MLLT10: variants seen among roughly 807,000 people sequenced by gnomAD.
The protein encoded by MLLT10 is protein AF-10.
A neutral mutation model predicts 129.1 loss-of-function variants in MLLT10; 30 were observed. The ratio of observed to expected loss-of-function variants is 0.23; its 90% confidence interval spans 0.17 to 0.32. MLLT10 has a LOEUF of 0.32. MLLT10 is among the 10% of genes least tolerant of loss of function. The pLI is 1.00. For missense variants in MLLT10, 1,119 were observed against 1,268.3 expected, an observed-to-expected ratio of 0.88 and a Z score of 1.79; for synonymous variants, 490 against 446.4, an observed-to-expected ratio of 1.10 and a Z score of -1.23.
chr10:21,721,078 G>A (rs1388532611), intron 14 of MLLT10, among the ~76,000 whole-genome samples: 1 of 152,144 alleles, frequency 6.6e-6, no homozygotes, highest in Non-Finnish European at 1.5e-5. Context: ...AATTTAGTGA[G>A]CCTGAATATT....
At chr10:21,669,215 A>G (rs1038263176) in intron 9 of MLLT10, among the ~76,000 whole-genome samples, 7 of 152,002 alleles carry the variant, frequency 4.6e-5, no homozygotes, top group African/African-American at 1.4e-4. Context: ...CTATTTAATG[A>G]TGAATATCTG....
intron 13 of MLLT10, among the ~76,000 whole-genome samples, chr10:21,688,039 T>C (rs1165845204): frequency 6.6e-6 from 1 of 152,122 alleles, no homozygotes; most frequent in East Asian, 1.9e-4. Flanking sequence ...CTTCAAAGAC[T>C]CTTAAGGGAT....
intron 9 of MLLT10, among the ~76,000 whole-genome samples, chr10:21,653,701 A>G (rs991468774): frequency 1.3e-5 from 2 of 152,182 alleles, no homozygotes; most frequent in Admixed American, 6.5e-5. Flanking sequence ...GAGGGGTGCT[A>G]TCCTGCCTAC....
At chr10:21,716,040 T>C (rs2056528645) in intron 14 of MLLT10, among the ~76,000 whole-genome samples, 1 of 152,242 alleles carries the variant, frequency 6.6e-6, no homozygotes, top group Non-Finnish European at 1.5e-5. Context: ...CACGTTGACC[T>C]CTCAGTTGAA....
chr10:21,596,067 A>C (rs2042991023), intron 5 of MLLT10, among the ~76,000 whole-genome samples: 1 of 152,038 alleles, frequency 6.6e-6, no homozygotes, highest in African/African-American at 2.4e-5. Flanking sequence ...CGTGGAAGAA[A>C]TTGCAGCCAG....
At chr10:21,534,846 C>T (rs768189727) in intron 2 of MLLT10, 42 bp downstream of exon 2, 5 of 1,478,510 alleles carry the variant, frequency 3.4e-6, no homozygotes, top group Non-Finnish European at 3.6e-6. Flanking sequence ...GGCCTGCGCC[C>T]AACGGTCACC....
At chr10:21,582,883 C>CT (rs1248534485) in intron 3 of MLLT10, among the ~76,000 whole-genome samples, 1 of 152,094 alleles carries the variant, frequency 6.6e-6, no homozygotes, top group Non-Finnish European at 1.5e-5. Context: ...TTTCAAGTGT[C>CT]TATGTAGGCT....
At chr10:21,544,598 A>G (rs2035777403) in intron 3 of MLLT10, among the ~76,000 whole-genome samples, 1 of 152,180 alleles carries the variant, frequency 6.6e-6, no homozygotes, top group Non-Finnish European at 1.5e-5. Flanking sequence ...TGGACTTAGG[A>G]TGCTATTACT....
chr10:21,588,495 C>T lies in MLLT10; in HGVS notation c.295+2147C>T, dbSNP rs878995289. 3.3e-5 allele frequency among the ~76,000 whole-genome samples: 5 copies of T among 151,900 alleles called. No individual in the cohort carries two copies. The South Asian group carries it at 6.2e-4, about 19-fold the overall frequency. On this transcript the variant is annotated intron_variant, in intron 4 of 22. Coordinates refer to ENST00000307729, the MANE Select transcript of MLLT10 (RefSeq NM_001195626.3). ...TGATGACTAACTCTTGTATGTATGT[C>T]ATTTTGCTTGTATACAAGTATATCT...
At chr10:21,692,070 AG>A (rs1203358287) in intron 13 of MLLT10, among the ~76,000 whole-genome samples, 1 of 149,894 alleles carries the variant, frequency 6.7e-6, no homozygotes, top group Non-Finnish European at 1.5e-5. Flanking sequence ...GGTACTTGTG[AG>A]GCTGAGGCAT....
At chr10:21,703,578 T>C (rs2055137812) in intron 13 of MLLT10, among the ~76,000 whole-genome samples, 1 of 152,096 alleles carries the variant, frequency 6.6e-6, no homozygotes, top group South Asian at 2.1e-4. Flanking sequence ...AGAGTCTCGC[T>C]TTGTCACCCA....
intron 3 of MLLT10, among the ~76,000 whole-genome samples, chr10:21,550,930 T>G (rs2036898626): frequency 8.7e-6 from 1 of 115,586 alleles, no homozygotes; most frequent in South Asian, 2.4e-4. Flanking sequence ...ATCTTTAATT[T>G]TTTTTTTTTT....
At chr10:21,725,805 C>T (rs1589838757) in intron 14 of MLLT10, among the ~76,000 whole-genome samples, 3 of 145,954 alleles carry the variant, frequency 2.1e-5, no homozygotes, top group South Asian at 2.2e-4. Context: ...GGCTGGAGTG[C>T]AGTGGCGTGA....
intron 13 of MLLT10, among the ~76,000 whole-genome samples, chr10:21,686,259 A>G (rs2053281225): frequency 6.6e-6 from 1 of 152,186 alleles, no homozygotes; most frequent in African/African-American, 2.4e-5. Flanking sequence ...TTAATTCTCC[A>G]TATAGTATTC....
chr10:21,555,534 T>C (rs1368688682), intron 3 of MLLT10, among the ~76,000 whole-genome samples: 4 of 152,052 alleles, frequency 2.6e-5, no homozygotes, highest in Non-Finnish European at 5.9e-5. Flanking sequence ...ATACTTTAAT[T>C]GGAGGTTTTT....
intron 11 of MLLT10, among the ~76,000 whole-genome samples, chr10:21,680,256 G>T (rs1338043287): frequency 5.3e-5 from 8 of 151,540 alleles, no homozygotes; most frequent in African/African-American, 1.9e-4. Flanking sequence ...TGTCGCCCAG[G>T]CTGTAGTGCG....
chr10:21,534,781 G>C lies in MLLT10; in HGVS notation c.137G>C (p.Gly46Ala). ...CCGCTGGTTTATTGCGACGGGCACGGCTGCAGCGTCGCGGTGCATCAAGGT... is the reference window on the plus strand; with the variant it reads ...CCGCTGGTTTATTGCGACGGGCACGCCTGCAGCGTCGCGGTGCATCAAGGT... ...ENPLVYCDGHGCSVAVHQACY... is the reference protein window; with the variant it reads ...ENPLVYCDGHACSVAVHQACY... The change falls in exon 2 of 23, where the codon GGC becomes GCC. Residue 46 changes from glycine (G) to alanine (A), a missense_variant. Gly to Ala is a moderately conservative substitution (Grantham distance 60, BLOSUM62 0). Around this residue, in one of 5 missense-constraint regions of MLLT10, gnomAD observed 33 missense variants for 76.9 expected, o/e 0.43. Coordinates refer to ENST00000307729, the MANE Select transcript of MLLT10 (RefSeq NM_001195626.3). 1 of 1,610,778 alleles carries C rather than the reference G, an allele frequency of 6.2e-7. No individual in the cohort carries two copies. Among genetic ancestry groups the C allele is most frequent in the Non-Finnish European group, 8.5e-7 (1 of 1,178,292 alleles).
chr10:21,613,903 C>G (rs2044938715), intron 6 of MLLT10, among the ~76,000 whole-genome samples: 1 of 149,340 alleles, frequency 6.7e-6, no homozygotes, highest in Admixed American at 6.7e-5. Flanking sequence ...GAGGCTCCAT[C>G]TAAAAAAAAA....
chr10:21,733,516 A>C lies in MLLT10; in HGVS notation c.2420A>C (p.Asp807Ala), dbSNP rs2058117183. The C allele has an allele frequency of 1.9e-6, 3 of 1,551,166 alleles. No individual in the cohort carries two copies. The highest frequency in any genetic ancestry group is 2.5e-5 in the South Asian group (2 of 80,738). The change falls in exon 19 of 23, where the codon GAT (aspartate) becomes GCT (alanine). Residue 807 changes from aspartate (D) to alanine (A), a missense_variant. Around this residue, in one of 5 missense-constraint regions of MLLT10, gnomAD observed 1,004 missense variants for 1,008.7 expected, o/e 1.00. Transcript: ENST00000307729. ...TFSAQTAPTT[D>A]SLNSSKSPHI... ...TTTATTATTCTAGCTCCTACTACTG[A>C]TTCCTTGAACAGCAGTAAGAGCCCT...
Sources: allele counts gnomAD v4.1 joint callset (sites outside exome capture counted in the v4.1 genomes callset), GRCh38; gene constraint gnomAD v4.1.1; regional missense constraint gnomAD v4.1.1; transcripts MANE v1.5; gene names NCBI Gene and HGNC (gene_info 2026-07-23, HGNC 2026-07-21).